ODAD4: variants seen among roughly 807,000 people sequenced by gnomAD.
The protein encoded by ODAD4 is outer dynein arm-docking complex subunit 4.
ODAD4 carries 49 observed loss-of-function variants against 51.8 expected under a neutral mutation model. The observed-to-expected ratio is 0.95, with a 90% CI of 0.75 to 1.20. The LOEUF is 1.20. ODAD4 is among the 50% of genes most tolerant of loss of function. ODAD4 has a pLI of 0.00. For missense variants in ODAD4, 590 were observed against 586.5 expected, an observed-to-expected ratio of 1.01 and a Z score of -0.06; for synonymous variants, 235 against 221.3, an observed-to-expected ratio of 1.06 and a Z score of -0.55.
chr17:41,959,806 A>G (rs2050780707), intron 10 of ODAD4, among the ~76,000 whole-genome samples: 1 of 152,152 alleles, frequency 6.6e-6, no homozygotes, highest in East Asian at 1.9e-4. Flanking sequence ...TTTGGGAGGC[A>G]GGTTCATGGT....
intron 2 of ODAD4, 28 bp from the exon 3 acceptor site, chr17:41,935,571 A>G (rs1555637627): frequency 6.2e-7 from 1 of 1,600,968 alleles, no homozygotes; most frequent in African/African-American, 1.3e-5. Context: ...TTATCTGTTC[A>G]CATTGATTTG....
chr17:41,939,223 TG>T, intron 7 of ODAD4, 51 bp downstream of exon 7: 1 of 1,526,894 alleles, frequency 6.5e-7, no homozygotes, highest in Non-Finnish European at 8.8e-7. Context: ...GAAGGACACC[TG>T]GGGCTATCTG....
chr17:41,930,984 C>A (rs542167330), intron 1 of ODAD4, 147 bp downstream of exon 1: 215 of 559,050 alleles, frequency 3.8e-4, no homozygotes, highest in Non-Finnish European at 6.0e-4. Context: ...ACCTCCGCCT[C>A]CCGGGTTCAA....
chr17:41,955,720 A>G (rs546959256), intron 10 of ODAD4, among the ~76,000 whole-genome samples: 5 of 152,174 alleles, frequency 3.3e-5, no homozygotes, highest in Admixed American at 2.0e-4. Flanking sequence ...CACTGTGCCC[A>G]GCCAGAAACA....
intron 10 of ODAD4, 23 bp from the exon 11 acceptor site, chr17:41,961,359 T>C (rs1555641659): frequency 1.4e-6 from 1 of 731,844 alleles, no homozygotes; most frequent in South Asian, 1.5e-5. Context: ...ACACAGGGGC[T>C]AAGCTCCCTC....
intron 10 of ODAD4, among the ~76,000 whole-genome samples, chr17:41,957,627 G>A (rs1478391091): frequency 6.6e-6 from 1 of 152,124 alleles, no homozygotes; most frequent in Non-Finnish European, 1.5e-5. Flanking sequence ...CTTCCTGGCT[G>A]TCTCTGTTCC....
At chr17:41,942,695 G>A (rs782642028) in intron 7 of ODAD4, among the ~76,000 whole-genome samples, 2 of 152,132 alleles carry the variant, frequency 1.3e-5, no homozygotes, top group East Asian at 1.9e-4. Context: ...CTTGGGCAGG[G>A]CAGAAAGATG....
Position 41,939,029 on chromosome 17 carries a change from G to A in ODAD4, c.915G>A (p.Leu305=). 1 of 1,613,488 alleles carries A rather than the reference G, an allele frequency of 6.2e-7. No homozygotes were observed. Among genetic ancestry groups the A allele is most frequent in the South Asian group, 1.1e-5 (1 of 90,958 alleles). The change falls in exon 7 of 12, where the codon CTG becomes CTA. Residue 305 remains leucine (L), a synonymous_variant. Transcript: ENST00000377540. The stretch of plus-strand genomic sequence containing the variant: ...CTGAGAAAGTGCTGAAGAAGGTACT[G>A]GAATGGAACAAGGAAGAGGTACCCA... ...QKAEKVLKKV[L]EWNKEEVPNK...
chr17:41,959,921 G>A (rs1382942901), intron 10 of ODAD4, among the ~76,000 whole-genome samples: 3 of 152,102 alleles, frequency 2.0e-5, no homozygotes, highest in Non-Finnish European at 2.9e-5. Flanking sequence ...GCCACCATAC[G>A]GCCCAGGGAA....
chr17:41,932,183 C>T (rs1478201202), intron 1 of ODAD4, among the ~76,000 whole-genome samples: 4 of 152,136 alleles, frequency 2.6e-5, no homozygotes, highest in East Asian at 1.9e-4. Flanking sequence ...GATTCTCCTG[C>T]CTCAGCCTCC....
rs1282737150 is a variant in ODAD4, at chr17:41,938,754, C to G, written c.823C>G (p.Leu275Val). 1 of 1,613,494 alleles carries G rather than the reference C, an allele frequency of 6.2e-7. No homozygotes were observed. Among genetic ancestry groups the G allele is most frequent in the Non-Finnish European group, 8.5e-7 (1 of 1,179,890 alleles). ...RRPSQTAHYI[L>V]KSLEDIDMLL... ...TCCCTCACAGACAGCCCATTACATC[C>G]TCAAGAGCCTGGAGGACATTGATAT... Residue 275 changes from leucine to valine, a missense_variant, in exon 6 of 12, where the codon CTC (leucine) becomes GTC (valine). Physicochemically the swap from Leu to Val is conservative, Grantham distance 32. Around this residue, in one of 3 missense-constraint regions of ODAD4, gnomAD observed 360 missense variants for 407.5 expected, o/e 0.88. Coordinates refer to ENST00000377540, the MANE Select transcript of ODAD4 (RefSeq NM_031421.5).
intron 7 of ODAD4, among the ~76,000 whole-genome samples, chr17:41,940,733 A>G (rs2050493936): frequency 6.6e-6 from 1 of 152,156 alleles, no homozygotes; most frequent in African/African-American, 2.4e-5. Context: ...TGTGATGTAT[A>G]TATATGGTAC....
At chr17:41,951,199 C>T (rs1420163178) in intron 9 of ODAD4, among the ~76,000 whole-genome samples, 27 of 150,668 alleles carry the variant, frequency 1.8e-4, no homozygotes, top group South Asian at 1.3e-3. Context: ...ATTCTCCTGC[C>T]TCAGTCTCCT....
intron 8 of ODAD4, among the ~76,000 whole-genome samples, chr17:41,947,441 C>T (rs1256611155): frequency 6.6e-6 from 1 of 150,818 alleles, no homozygotes; most frequent in Non-Finnish European, 1.5e-5. Flanking sequence ...GCCGAGATCA[C>T]GCCACTGCAC....
In ODAD4 at chr17:41,938,636, C is replaced by T; in HGVS notation, c.705C>T (p.His235=). 1 of 1,614,006 alleles carries T rather than the reference C, an allele frequency of 6.2e-7. No homozygotes were observed. The highest frequency in any genetic ancestry group is 8.5e-7 in the Non-Finnish European group (1 of 1,179,900). ...CGGGCATCAACTACCTGGATACTCA[C>T]AGCAACTTCTGGAGGCAGCAGAAGC... is the stretch of plus-strand genomic sequence containing the variant. The part of the protein sequence containing the change: ...IMTGINYLDT[H]SNFWRQQKPI... Residue 235 remains histidine, a synonymous_variant, in exon 6 of 12, where the codon CAC becomes CAT. Coordinates refer to ENST00000377540, the MANE Select transcript of ODAD4 (RefSeq NM_031421.5).
chr17:41,937,637 AT>A (rs2050446649), intron 5 of ODAD4, among the ~76,000 whole-genome samples: 1 of 152,108 alleles, frequency 6.6e-6, no homozygotes. Flanking sequence ...CATCCGGCTA[AT>A]TTTTTGTATT....
intron 10 of ODAD4, among the ~76,000 whole-genome samples, chr17:41,956,067 G>C (rs1239280475): frequency 2.6e-5 from 1 of 38,718 alleles, no homozygotes; most frequent in Admixed American, 3.0e-4. Context: ...TTTTTTTTTT[G>C]AGACTGAGTC....
chr17:41,939,313 G>T, intron 7 of ODAD4, 141 bp downstream of exon 7: 7 of 845,616 alleles, frequency 8.3e-6, no homozygotes, highest in Non-Finnish European at 1.2e-5. Flanking sequence ...CTGGAGGTGG[G>T]GACCACCTGC....
intron 5 of ODAD4, 103 bp downstream of exon 5, chr17:41,937,030 C>CA: frequency 1.5e-6 from 2 of 1,363,400 alleles, no homozygotes; most frequent in Non-Finnish European, 2.0e-6. Flanking sequence ...TATTAGCTGA[C>CA]GTGTACCTGT....
Sources: allele counts gnomAD v4.1 joint callset (sites outside exome capture counted in the v4.1 genomes callset), GRCh38; gene constraint gnomAD v4.1.1; regional missense constraint gnomAD v4.1.1; transcripts MANE v1.5; gene names NCBI Gene and HGNC (gene_info 2026-07-23, HGNC 2026-07-21).